Variants in PIGK observed in about 807,000 individuals in gnomAD.
PIGK encodes phosphatidylinositol glycan anchor biosynthesis class K.
PIGK carries 42 observed loss-of-function variants against 50.6 expected under a neutral mutation model. The ratio of observed to expected loss-of-function variants is 0.83; its 90% CI spans 0.65 to 1.07. The LOEUF (loss-of-function observed/expected upper bound fraction) is 1.07. Among genes scored for constraint, PIGK ranks in the 50% least tolerant of loss-of-function variants. The probability of loss-of-function intolerance (pLI) is 0.00; values close to 1 mark genes in which losing one functional copy is unlikely to be tolerated. For synonymous variants in PIGK, 151 were observed against 156.0 expected (o/e 0.97, Z 0.24); for missense variants, 448 against 488.7 (o/e 0.92, Z 0.78).
intron 2 of PIGK, among the ~76,000 whole-genome samples, chr1:77,210,195 A>C (rs971847908): frequency 7.2e-5 from 11 of 152,192 alleles, no homozygotes; most frequent in African/African-American, 2.6e-4. Flanking sequence ...TAACAATAGC[A>C]TTCCTAATTT....
intron 10 of PIGK, among the ~76,000 whole-genome samples, chr1:77,094,528 C>T (rs1653365858): frequency 6.6e-6 from 1 of 152,080 alleles, no homozygotes; most frequent in Non-Finnish European, 1.5e-5. Flanking sequence ...GCTCTACATT[C>T]ATCAGAGATT....
intron 10 of PIGK, among the ~76,000 whole-genome samples, chr1:77,119,055 T>A (rs1302081214): frequency 6.6e-6 from 1 of 150,894 alleles, no homozygotes; most frequent in Non-Finnish European, 1.5e-5. Context: ...TTTGTCCATA[T>A]AATATTTATC....
intron 3 of PIGK, among the ~76,000 whole-genome samples, chr1:77,190,764 A>G (rs923934839): frequency 1.3e-5 from 2 of 152,210 alleles, no homozygotes; most frequent in African/African-American, 4.8e-5. Flanking sequence ...ATTTCTACAG[A>G]GAGGTATTGG....
Position 77,090,201 on chromosome 1 carries a change from T to C in PIGK, c.*2173A>G, listed in dbSNP as rs960403852. 6.6e-6 allele frequency: 1 copy of C among 152,222 alleles called. No homozygotes were observed. The highest frequency in any genetic ancestry group is 1.5e-5 in the Non-Finnish European group (1 of 68,030). The allele number at this position is 152,222 out of a possible 1,614,324, so 9.4% of individuals were successfully genotyped here. ...TGTTGTTCAGCTTTTGTGACTCAAG[T>C]AGAATATATTTAAGGATTTGTTTTT... On this transcript the variant is annotated 3_prime_UTR_variant, in exon 11 of 11. Transcript: ENST00000370812.
chr1:77,147,086 T>A (rs1232539778), intron 9 of PIGK, among the ~76,000 whole-genome samples: 1 of 151,676 alleles, frequency 6.6e-6, no homozygotes, highest in Non-Finnish European at 1.5e-5. Flanking sequence ...CAGTTCCTCA[T>A]AGCTGGGGAG....
Position 77,166,839 on chromosome 1 carries a change from G to A in PIGK, c.376-9C>T. The A allele has an allele frequency of 8.5e-7, 1 of 1,170,522 alleles. No homozygotes were observed. The highest frequency in any genetic ancestry group is 1.3e-6 in the Non-Finnish European group (1 of 797,426). 72.5% of individuals were successfully genotyped at this position (1,170,522 alleles called of 1,614,324 possible). On this transcript the variant is annotated splice_polypyrimidine_tract_variant and intron_variant, in intron 4 of 10. Coordinates refer to ENST00000370812, the MANE Select transcript of PIGK (RefSeq NM_005482.3). ...AAATTCTCCACAGTTACCTAAGGGG[G>A]AAAAAACAAGAAAAATCAGATGAAA...
chr1:77,124,616 ACAAC>A (rs1654184159), intron 9 of PIGK, among the ~76,000 whole-genome samples: 1 of 148,166 alleles, frequency 6.7e-6, no homozygotes, highest in African/African-American at 2.5e-5. Flanking sequence ...AAACAAACAA[ACAAC>A]AAAAAAAAAA....
intron 9 of PIGK, among the ~76,000 whole-genome samples, chr1:77,148,620 G>A (rs553709629): frequency 4.6e-5 from 7 of 152,016 alleles, no homozygotes; most frequent in South Asian, 2.1e-4. Flanking sequence ...TCAAAATGTC[G>A]GGGGAGAGGG....
At chr1:77,193,382 T>C (rs992769593) in intron 3 of PIGK, among the ~76,000 whole-genome samples, 1 of 152,070 alleles carries the variant, frequency 6.6e-6, no homozygotes, top group African/African-American at 2.4e-5. Context: ...AGAAGTTACA[T>C]GCCACACTGG....
rs143482877 is a variant in PIGK, at chr1:77,187,406, C to T, written c.240-18011G>A. ...TTTGCTGCCTGTTCCTGCAACATTACGCTCTTCTGGCCTAGAGGTCTTACC... is the reference window on the plus strand; with the variant it reads ...TTTGCTGCCTGTTCCTGCAACATTATGCTCTTCTGGCCTAGAGGTCTTACC... On this transcript the variant is annotated intron_variant, in intron 3 of 10. Coordinates refer to ENST00000370812, the MANE Select transcript of PIGK (RefSeq NM_005482.3). Among the ~76,000 whole-genome samples the T allele has an allele frequency of 1.7e-3, 255 of 152,298 alleles. 3 individuals are homozygous for T. The highest frequency in any genetic ancestry group is 5.9e-3 in the African/African-American group (245 of 41,558).
At chr1:77,166,940 G>T in intron 4 of PIGK, 110 bp from the exon 5 acceptor site, 1 of 611,328 alleles carries the variant, frequency 1.6e-6, no homozygotes, top group Non-Finnish European at 2.9e-6. Flanking sequence ...ATATTACTCA[G>T]CACCAACTGA....
chr1:77,203,387 CA>C (rs960888103), intron 3 of PIGK, among the ~76,000 whole-genome samples: 2 of 152,044 alleles, frequency 1.3e-5, no homozygotes, highest in African/African-American at 4.8e-5. Context: ...AAGCTAAAAC[CA>C]GGCAAATAAA....
intron 3 of PIGK, chr1:77,195,123 G>A: frequency 8.3e-7 from 1 of 1,210,470 alleles, no homozygotes; most frequent in Non-Finnish European, 1.2e-6. Flanking sequence ...ACAGGAAGGA[G>A]GGTGATTCAG....
intron 10 of PIGK, among the ~76,000 whole-genome samples, chr1:77,110,927 C>T (rs544389558): frequency 1.3e-5 from 2 of 151,830 alleles, no homozygotes; most frequent in Non-Finnish European, 2.9e-5. Context: ...AAAAACAACC[C>T]CATCAACAAG....
At chr1:77,193,373 G>T (rs549057646) in intron 3 of PIGK, among the ~76,000 whole-genome samples, 6 of 152,044 alleles carry the variant, frequency 3.9e-5, no homozygotes, top group Admixed American at 3.9e-4. Context: ...CCTTTGCGTA[G>T]AAGTTACATG....
rs1033265810 is a variant in PIGK at position 77,090,423 on chromosome 1, CAG to C, written c.*1949_*1950del. On this transcript the variant is annotated 3_prime_UTR_variant, in exon 11 of 11. Transcript: ENST00000370812. ...ATATTCTGAAGATTCAATAATGAAA[CAG>C]AGGAACAACTGCCCTTTGAAATTCT... 6.6e-6 allele frequency: 1 copy of C among 152,148 alleles called. No individual in the cohort carries two copies. The highest frequency in any genetic ancestry group is 2.4e-5 in the African/African-American group (1 of 41,434). 9.4% of individuals were successfully genotyped at this position (152,148 alleles called of 1,614,324 possible). A position where few individuals can be genotyped will look rare whatever the true frequency, so the allele number is the denominator to read the frequency against.
At chr1:77,097,130 T>C (rs1378314239) in intron 10 of PIGK, among the ~76,000 whole-genome samples, 3 of 151,820 alleles carry the variant, frequency 2.0e-5, no homozygotes, top group Non-Finnish European at 2.9e-5. Flanking sequence ...ATGGATGAAA[T>C]TGGAAAGCTT....
At chr1:77,158,199 T>C (rs992584067) in intron 8 of PIGK, among the ~76,000 whole-genome samples, 1 of 152,074 alleles carries the variant, frequency 6.6e-6, no homozygotes, top group Non-Finnish European at 1.5e-5. Flanking sequence ...GTATTTTTAG[T>C]AGAGATGGGG....
chr1:77,181,165 C>G lies in PIGK; in HGVS notation c.240-11770G>C, dbSNP rs543460122. On this transcript the variant is annotated intron_variant, in intron 3 of 10. Transcript: ENST00000370812. ...AAACATATATGAAGGGAAAAATAGC[C>G]TAAAATAATAATTTCCCATTATTAT... Among the ~76,000 whole-genome samples, 7 of 152,098 alleles carry G rather than the reference C, an allele frequency of 4.6e-5. No homozygotes were observed. In the East Asian group the frequency reaches 1.4e-3, roughly 29 times the overall value.
Sources: gnomAD v4.1 joint callset for allele counts (sites outside exome capture counted in the v4.1 genomes callset) on GRCh38, gnomAD v4.1.1 for gene constraint, MANE v1.5 for transcripts, NCBI Gene and HGNC (gene_info 2026-07-23, HGNC 2026-07-21) for gene names.